The following NRG1 variants were observed in gnomAD, a reference collection of about 807,000 sequenced individuals.
NRG1 encodes pro-neuregulin-1, membrane-bound isoform.
A neutral mutation model predicts 63.8 loss-of-function variants in NRG1; 18 were observed. That is an observed-to-expected ratio of 0.28 (90% CI 0.19 to 0.42). The LOEUF (loss-of-function observed/expected upper bound fraction) is 0.42, where lower values mean the gene tolerates loss of function less well. Among genes scored for constraint, NRG1 ranks in the 10% least tolerant of loss-of-function variants. NRG1 has a pLI of 1.00. For synonymous variants in NRG1, 302 were observed against 301.3 expected, an observed-to-expected ratio of 1.00 and a Z score of -0.02; for missense variants, 762 against 814.7, an observed-to-expected ratio of 0.94 and a Z score of 0.79.
chr8:32,743,417 T>A (rs1826786908), intron 7 of NRG1, among the ~76,000 whole-genome samples: 1 of 151,894 alleles, frequency 6.6e-6, no homozygotes, highest in African/African-American at 2.4e-5. Context: ...CATTTCTTTA[T>A]GTTAGTTTCA....
chr8:31,855,184 G>A (rs559354660), intron 1 of NRG1, among the ~76,000 whole-genome samples: 103 of 152,130 alleles, frequency 6.8e-4, no homozygotes, highest in Middle Eastern at 3.4e-3. Flanking sequence ...TTTCTGTCTC[G>A]TTGATCTGTC....
At chr8:32,412,463 T>TATATATATATAC (rs1815228685) in intron 1 of NRG1, among the ~76,000 whole-genome samples, 3 of 115,236 alleles carry the variant, frequency 2.6e-5, no homozygotes, top group Non-Finnish European at 5.7e-5. Flanking sequence ...CATATATATA[T>TATATATATATAC]ATATATATAT....
chr8:32,338,198 G>A (rs1803575819), intron 1 of NRG1, among the ~76,000 whole-genome samples: 1 of 152,182 alleles, frequency 6.6e-6, no homozygotes, highest in South Asian at 2.1e-4. Flanking sequence ...ATATGGAGGA[G>A]CATAGGAGAA....
At chr8:31,697,436 A>C (rs1810187440) in intron 1 of NRG1, among the ~76,000 whole-genome samples, 1 of 152,170 alleles carries the variant, frequency 6.6e-6, no homozygotes, top group African/African-American at 2.4e-5. Flanking sequence ...AGAAGTGAAC[A>C]TTTCTAATCC....
intron 1 of NRG1, among the ~76,000 whole-genome samples, chr8:32,399,503 G>T (rs1405868265): frequency 1.1e-4 from 16 of 152,294 alleles, no homozygotes; most frequent in Middle Eastern, 3.4e-3. Flanking sequence ...TCAGGAGTTC[G>T]AGGCCAGCGT....
chr8:32,510,937 C>CCTTT (rs1325373770), intron 1 of NRG1, among the ~76,000 whole-genome samples: 1 of 148,596 alleles, frequency 6.7e-6, no homozygotes, highest in Admixed American at 7.0e-5. Flanking sequence ...TTGGAATCTT[C>CCTTT]CTTTCTTTCT....
chr8:32,639,708 G>A (rs1851976068), intron 5 of NRG1, among the ~76,000 whole-genome samples: 1 of 152,136 alleles, frequency 6.6e-6, no homozygotes, highest in Admixed American at 6.5e-5. Context: ...GATATGCTGT[G>A]CTATATACTG....
chr8:31,691,594 C>CA (rs71208138), intron 1 of NRG1, among the ~76,000 whole-genome samples: 2,978 of 34,904 alleles, frequency 0.085, 961 homozygotes, highest in African/African-American at 0.23. Context: ...GACTCTGTCT[C>CA]AAAAAAAAAA....
At chr8:32,582,720 G>T (rs1211376118) in intron 1 of NRG1, among the ~76,000 whole-genome samples, 1 of 152,166 alleles carries the variant, frequency 6.6e-6, no homozygotes, top group African/African-American at 2.4e-5. Context: ...TCTCCTTTGT[G>T]TTGTCTCCTG....
At chr8:32,162,484 C>T (rs1009225369) in intron 1 of NRG1, among the ~76,000 whole-genome samples, 3 of 151,790 alleles carry the variant, frequency 2.0e-5, no homozygotes, top group South Asian at 4.2e-4. Flanking sequence ...TTTTTTCAAA[C>T]TAAAAACAAA....
chr8:31,905,940 A>G (rs1017778118), intron 1 of NRG1, among the ~76,000 whole-genome samples: 2 of 152,234 alleles, frequency 1.3e-5, no homozygotes, highest in African/African-American at 2.4e-5. Context: ...AATGGTTTAA[A>G]TGATATGTTA....
chr8:32,436,905 A>G (rs1316342422), intron 1 of NRG1, among the ~76,000 whole-genome samples: 1 of 152,002 alleles, frequency 6.6e-6, no homozygotes, highest in African/African-American at 2.4e-5. Flanking sequence ...ACACACACAC[A>G]CACACACACA....
exon 9 of NRG1, chr8:32,756,410 C>T (rs1254925534): frequency 4.4e-6 from 7 of 1,608,768 alleles, no homozygotes; most frequent in East Asian, 2.2e-5. Context: ...CAGGAAACAG[C>T]GGAAAAAGCT....
intron 1 of NRG1, among the ~76,000 whole-genome samples, chr8:31,928,997 C>T (rs946358021): frequency 3.3e-5 from 5 of 152,090 alleles, no homozygotes; most frequent in African/African-American, 1.2e-4. Context: ...AACCAGAAGC[C>T]ACTTGTATCC....
chr8:32,187,603 T>C (rs1842086696), intron 1 of NRG1, among the ~76,000 whole-genome samples: 1 of 152,186 alleles, frequency 6.6e-6, no homozygotes, highest in Non-Finnish European at 1.5e-5. Context: ...GCATTCATCT[T>C]GTTTCACAAG....
intron 1 of NRG1, among the ~76,000 whole-genome samples, chr8:32,405,610 G>T: frequency 6.6e-6 from 1 of 152,082 alleles, no homozygotes; most frequent in East Asian, 1.9e-4. Flanking sequence ...GTACAGTCAT[G>T]TAGAGACAAA....
intron 1 of NRG1, among the ~76,000 whole-genome samples, chr8:31,975,078 T>C (rs1359905411): frequency 6.6e-6 from 1 of 152,182 alleles, no homozygotes; most frequent in Non-Finnish European, 1.5e-5. Context: ...GGTTCTGTGT[T>C]TCCATGCAAA....
At chr8:31,854,851 G>A (rs1239786814) in intron 1 of NRG1, among the ~76,000 whole-genome samples, 1 of 152,046 alleles carries the variant, frequency 6.6e-6, no homozygotes, top group African/African-American at 2.4e-5. Flanking sequence ...CTTTATTTCT[G>A]CCTTCGTTTC....
intron 7 of NRG1, among the ~76,000 whole-genome samples, chr8:32,745,232 C>T (rs912685883): frequency 8.6e-5 from 13 of 151,992 alleles, no homozygotes; most frequent in African/African-American, 3.1e-4. Flanking sequence ...CCATAGTGAC[C>T]GTTTTAAAAT....
Sources: gnomAD v4.1 joint callset for allele counts (sites outside exome capture counted in the v4.1 genomes callset) on GRCh38, gnomAD v4.1.1 for gene constraint, MANE v1.5 for transcripts, NCBI Gene and HGNC (gene_info 2026-07-23, HGNC 2026-07-21) for gene names.